Variants in NEO1 observed in about 807,000 individuals in gnomAD.
NEO1 encodes the protein neogenin 1.
In NEO1, 63 loss-of-function variants were observed where a neutral mutation model predicts 159.7. That is an observed-to-expected ratio of 0.39 (90% CI 0.32 to 0.49). NEO1 has a LOEUF of 0.49. NEO1 is among the 20% of genes least tolerant of loss of function. NEO1 has a pLI of 0.85. For missense variants in NEO1, 1,615 were observed against 1,831.0 expected, an observed-to-expected ratio of 0.88 and a Z score of 2.15; for synonymous variants, 633 against 662.0, an observed-to-expected ratio of 0.96 and a Z score of 0.67.
At chr15:73,161,604 C>G (rs778725128) in intron 5 of NEO1, among the ~76,000 whole-genome samples, 1 of 152,184 alleles carries the variant, frequency 6.6e-6, no homozygotes, top group Non-Finnish European at 1.5e-5. Context: ...TCTTTAAAAA[C>G]TAAGCAGGCA....
chr15:73,207,119 C>T (rs1231681596), intron 7 of NEO1, among the ~76,000 whole-genome samples: 1 of 152,198 alleles, frequency 6.6e-6, no homozygotes, highest in African/African-American at 2.4e-5. Flanking sequence ...TTGATCCAAT[C>T]ACATTCACTT....
Position 73,266,405 on chromosome 15 carries a change from C to G in NEO1, c.2488C>G (p.His830Asp). ...PLYESAVTRP[H>D]TDTSEVDLFV... ...GTATGAGAGTGCTGTGACCAGGCCT[C>G]ACACAGGTAAGGTATCCTATCTTTC... Residue 830 changes from histidine (H) to aspartate (D), a missense_variant, in exon 16 of 29, where the codon CAC becomes GAC. By Grantham distance (81) the His-to-Asp change is moderately conservative. This residue lies in a region of NEO1 where 1,018 missense variants were observed against 1,115.4 expected (regional missense o/e 0.91). Coordinates refer to ENST00000261908, the MANE Select transcript of NEO1 (RefSeq NM_002499.4). 6.2e-7 allele frequency: 1 copy of G among 1,611,004 alleles called. No individual in the cohort carries two copies. The highest frequency in any genetic ancestry group is 1.3e-5 in the African/African-American group (1 of 74,872).
At position 73,249,709 on chromosome 15, in the gene NEO1, A is replaced by T. The variant is rs1048952906; in HGVS notation, c.1882A>T (p.Thr628Ser). Residue 628 changes from threonine to serine, a missense_variant, in exon 11 of 29, where the codon ACA (threonine) becomes TCA (serine). Transcript: ENST00000261908. ...GVSTPDVAVR[T>S]LSDVPSAAPQ... ...TTCCACACCAGATGTTGCTGTTCGA[A>T]CATTGTCAGATGGTGAGTCTTTCTT... is the stretch of plus-strand genomic sequence containing the variant. The T allele has an allele frequency of 5.6e-6, 9 of 1,610,484 alleles. No homozygotes were observed. The African/African-American group carries it at 6.7e-5, about 12-fold the overall frequency.
chr15:73,173,986 G>T (rs2035131158), intron 5 of NEO1, among the ~76,000 whole-genome samples: 1 of 151,670 alleles, frequency 6.6e-6, no homozygotes, highest in Non-Finnish European at 1.5e-5. Context: ...TGTAATCCCG[G>T]CTACTTGAGA....
At chr15:73,249,032 T>G in intron 9 of NEO1, 28 bp from the exon 10 acceptor site, 3 of 1,612,116 alleles carry the variant, frequency 1.9e-6, no homozygotes, top group Non-Finnish European at 2.5e-6. Flanking sequence ...TTCATTTATA[T>G]CTTGCTTTCT....
chr15:73,173,337 T>C (rs971972221), intron 5 of NEO1, among the ~76,000 whole-genome samples: 1 of 152,176 alleles, frequency 6.6e-6, no homozygotes, highest in Admixed American at 6.5e-5. Flanking sequence ...TTATAACATA[T>C]TGCATAGTTA....
At chr15:73,065,831 T>C (rs2068186031) in intron 1 of NEO1, among the ~76,000 whole-genome samples, 1 of 152,074 alleles carries the variant, frequency 6.6e-6, no homozygotes. Flanking sequence ...TCACTTAGGC[T>C]CCCTTACATC....
intron 2 of NEO1, among the ~76,000 whole-genome samples, chr15:73,119,894 T>C (rs1198669086): frequency 6.6e-6 from 1 of 152,226 alleles, no homozygotes; most frequent in Admixed American, 6.5e-5. Flanking sequence ...CCCAGCACTA[T>C]AGGAGGCCAA....
At chr15:73,197,741 C>T (rs957932837) in intron 7 of NEO1, among the ~76,000 whole-genome samples, 24 of 145,200 alleles carry the variant, frequency 1.7e-4, no homozygotes, top group African/African-American at 3.3e-4. Context: ...AGTGCAGTGG[C>T]GCAATTTCGG....
chr15:73,178,109 A>G (rs552481047), intron 6 of NEO1, among the ~76,000 whole-genome samples, 198 bp from the exon 7 acceptor site: 24 of 152,238 alleles, frequency 1.6e-4, no homozygotes, highest in Non-Finnish European at 2.2e-4. Flanking sequence ...GACAGTATGT[A>G]CTCTTCTATT....
At chr15:73,261,885 C>T (rs755604505) in intron 15 of NEO1, among the ~76,000 whole-genome samples, 1 of 151,996 alleles carries the variant, frequency 6.6e-6, no homozygotes, top group Non-Finnish European at 1.5e-5. Flanking sequence ...TTCATGTCTT[C>T]TTATAATTGA....
At chr15:73,176,373 T>C in intron 5 of NEO1, 30 bp from the exon 6 acceptor site, 1 of 1,437,218 alleles carries the variant, frequency 7.0e-7, no homozygotes, top group Non-Finnish European at 9.4e-7. Flanking sequence ...CTATTTTCAT[T>C]AATGTCTTAA....
intron 5 of NEO1, among the ~76,000 whole-genome samples, chr15:73,152,948 A>G (rs1386509885): frequency 6.6e-6 from 1 of 152,138 alleles, no homozygotes; most frequent in Non-Finnish European, 1.5e-5. Context: ...TTTATTATAA[A>G]GTATTGGTTC....
chr15:73,233,936 A>G (rs2039044335), intron 7 of NEO1, among the ~76,000 whole-genome samples: 1 of 152,202 alleles, frequency 6.6e-6, no homozygotes, highest in Non-Finnish European at 1.5e-5. Flanking sequence ...TTTACAGATA[A>G]GGAAACTGAC....
At position 73,238,798 on chromosome 15, in the gene NEO1, G is replaced by A. The variant is rs546584828; in HGVS notation, c.1451+2292G>A. ...AAAAAAGGTTTTCACCATCTCAGGC[G>A]ATCTTGGAAGCAAAATGATGGGGGT... On this transcript the variant is annotated intron_variant, in intron 8 of 28. Transcript: ENST00000261908. 8.6e-5 allele frequency among the ~76,000 whole-genome samples: 13 copies of A among 152,034 alleles called. No homozygotes were observed. In the East Asian group the frequency reaches 1.7e-3, roughly 20 times the overall value.
At chr15:73,180,717 G>T (rs1392309367) in intron 7 of NEO1, among the ~76,000 whole-genome samples, 2 of 152,190 alleles carry the variant, frequency 1.3e-5, no homozygotes, top group African/African-American at 2.4e-5. Context: ...TTTGGATAGT[G>T]TTAAAATTGT....
At chr15:73,299,715 A>C (rs974734756) in intron 27 of NEO1, among the ~76,000 whole-genome samples, 1 of 152,272 alleles carries the variant, frequency 6.6e-6, no homozygotes, top group Non-Finnish European at 1.5e-5. Context: ...ACAAAAATAT[A>C]GTGAGAAGAG....
chr15:73,207,845 A>T (rs1403669264), intron 7 of NEO1, among the ~76,000 whole-genome samples: 1 of 152,198 alleles, frequency 6.6e-6, no homozygotes, highest in Non-Finnish European at 1.5e-5. Flanking sequence ...TTTTATTTAA[A>T]TATGATTAAA....
intron 27 of NEO1, among the ~76,000 whole-genome samples, chr15:73,300,488 G>C (rs951269385): frequency 2.6e-5 from 4 of 152,230 alleles, no homozygotes; most frequent in Non-Finnish European, 5.9e-5. Context: ...CCAGCACTTC[G>C]GGAGGCCGAG....
Sources: gnomAD v4.1 joint callset for allele counts (sites outside exome capture counted in the v4.1 genomes callset) on GRCh38, gnomAD v4.1.1 for gene constraint, gnomAD v4.1.1 regional missense constraint, MANE v1.5 for transcripts, NCBI Gene and HGNC (gene_info 2026-07-23, HGNC 2026-07-21) for gene names.